The following BCL11A variants were observed in gnomAD, a reference collection of about 807,000 sequenced individuals.
The protein encoded by BCL11A is B cell CLL/lymphoma 11A.
BCL11A carries 2 observed loss-of-function variants against 55.9 expected under a neutral mutation model. The ratio of observed to expected loss-of-function variants is 0.04; its 90% confidence interval spans 0.01 to 0.11. The LOEUF is 0.11. Among genes scored for constraint, BCL11A ranks in the 10% least tolerant of loss-of-function variants. The pLI is 1.00. For synonymous variants in BCL11A, 465 were observed against 473.4 expected, an observed-to-expected ratio of 0.98 and a Z score of 0.23; for missense variants, 817 against 1,137.1, an observed-to-expected ratio of 0.72 and a Z score of 4.05.
At chr2:60,491,288 A>C (rs972318625) in intron 2 of BCL11A, among the ~76,000 whole-genome samples, 1 of 152,210 alleles carries the variant, frequency 6.6e-6, no homozygotes, top group Non-Finnish European at 1.5e-5. Context: ...ACTAAAAAGG[A>C]CCTCATTTTG....
chr2:60,538,838 T>G (rs1162600715), intron 2 of BCL11A, among the ~76,000 whole-genome samples: 1 of 151,914 alleles, frequency 6.6e-6, no homozygotes, highest in Non-Finnish European at 1.5e-5. Flanking sequence ...CTGTACTCCC[T>G]TTGTTCAAAT....
chr2:60,514,667 CAA>C (rs567427710), intron 2 of BCL11A, among the ~76,000 whole-genome samples: 10 of 113,300 alleles, frequency 8.8e-5, no homozygotes, highest in Non-Finnish European at 1.1e-4. Flanking sequence ...GACTCCATCT[CAA>C]AAAAAAAAAA....
intron 2 of BCL11A, among the ~76,000 whole-genome samples, chr2:60,479,062 T>C (rs932878365): frequency 2.6e-5 from 4 of 152,028 alleles, no homozygotes; most frequent in East Asian, 1.9e-4. Flanking sequence ...CCTGAGCAAA[T>C]TGGAGATGCC....
At chr2:60,544,225 A>G (rs1670052792) in intron 2 of BCL11A, 1 of 152,270 alleles carries the variant, frequency 6.6e-6, no homozygotes. Context: ...ACGATGTTAC[A>G]TCACGCAAGT....
chr2:60,477,721 G>A (rs1372915566), intron 2 of BCL11A, among the ~76,000 whole-genome samples: 1 of 152,174 alleles, frequency 6.6e-6, no homozygotes, highest in East Asian at 1.9e-4. Flanking sequence ...CAAGGGAGTG[G>A]GGAGCCATGG....
chr2:60,492,632 C>CTG (rs954182540), intron 2 of BCL11A, among the ~76,000 whole-genome samples: 1 of 151,892 alleles, frequency 6.6e-6, no homozygotes, highest in African/African-American at 2.4e-5. Context: ...CTCTCTCTCT[C>CTG]TCTCTCTCTC....
chr2:60,514,200 T>C (rs904721536), intron 2 of BCL11A, among the ~76,000 whole-genome samples: 1 of 152,084 alleles, frequency 6.6e-6, no homozygotes, highest in Non-Finnish European at 1.5e-5. Flanking sequence ...CCTCCAGCCA[T>C]GTGGTGGAAA....
In BCL11A at chr2:60,459,771, T is replaced by C. The variant is rs1326574951; in HGVS notation, c.*633A>G. 23 of 1,041,608 alleles carry C rather than the reference T, an allele frequency of 2.2e-5. No homozygotes were observed. The highest frequency in any genetic ancestry group is 2.7e-5 in the Non-Finnish European group (23 of 864,226). 64.5% of individuals were successfully genotyped at this position (1,041,608 alleles called of 1,614,324 possible). On this transcript the variant is annotated 3_prime_UTR_variant, in exon 4 of 4. Coordinates refer to ENST00000642384, the MANE Select transcript of BCL11A (RefSeq NM_022893.4). The stretch of plus-strand genomic sequence containing the variant: ...GCCTTTTTTCTTCCTTTCCAATTGA[T>C]ACATTTAACCCTTTAGAGACAGACA...
At chr2:60,545,512 G>C (rs956628552) in intron 2 of BCL11A, 3 of 161,714 alleles carry the variant, frequency 1.9e-5, no homozygotes, top group Non-Finnish European at 4.1e-5. Flanking sequence ...GAAGCCTTGA[G>C]AACGAGCTGA....
chr2:60,504,091 G>A (rs527247925), intron 2 of BCL11A, among the ~76,000 whole-genome samples: 5 of 152,220 alleles, frequency 3.3e-5, no homozygotes, highest in East Asian at 1.9e-4. Context: ...CCACTCAGCC[G>A]ACACTGCCCC....
At position 60,458,133 on chromosome 2, in the gene BCL11A, C is replaced by T. The variant is rs1029973979; in HGVS notation, c.*2271G>A. ...TCAATATAAATACTATAGTGCCTAA[C>T]ACTAGATGAACATTTAATTCAAATA... is the stretch of plus-strand genomic sequence containing the variant. On this transcript the variant is annotated 3_prime_UTR_variant, in exon 4 of 4. Coordinates refer to ENST00000642384, the MANE Select transcript of BCL11A (RefSeq NM_022893.4). 2.9e-6 allele frequency: 3 copies of T among 1,028,258 alleles called. No homozygotes were observed. The African/African-American group carries it at 5.1e-5, about 17-fold the overall frequency. 63.7% of individuals were successfully genotyped at this position (1,028,258 alleles called of 1,614,324 possible).
intron 2 of BCL11A, chr2:60,534,711 A>T (rs1239059122): frequency 6.6e-6 from 1 of 152,264 alleles, no homozygotes; most frequent in East Asian, 1.9e-4. Flanking sequence ...TCACTAAAGG[A>T]AACTTGGCAA....
chr2:60,551,330 A>T (rs572003222), intron 1 of BCL11A, among the ~76,000 whole-genome samples: 1 of 152,226 alleles, frequency 6.6e-6, no homozygotes. Context: ...GGCCTGGGGA[A>T]GAGGGCAAGA....
chr2:60,499,004 T>C (rs993104193), intron 2 of BCL11A, among the ~76,000 whole-genome samples: 4 of 152,280 alleles, frequency 2.6e-5, no homozygotes, highest in African/African-American at 9.6e-5. Flanking sequence ...TTCTTCTTCA[T>C]TTTCCATTCC....
chr2:60,462,778 T>A (rs1048450862), intron 3 of BCL11A, among the ~76,000 whole-genome samples: 4 of 152,210 alleles, frequency 2.6e-5, no homozygotes, highest in African/African-American at 7.2e-5. Flanking sequence ...GGGCAAGCCA[T>A]CTCATCTCCA....
chr2:60,460,237 C>G lies in BCL11A; in HGVS notation c.*167G>C. ...AAAAAACAGGTGTGCTGGTGACAAGCACTCTCATATTCTTAGCTTCGTTAC... is the reference window on the plus strand; with the variant it reads ...AAAAAACAGGTGTGCTGGTGACAAGGACTCTCATATTCTTAGCTTCGTTAC... On this transcript the variant is annotated 3_prime_UTR_variant, in exon 4 of 4. Coordinates refer to ENST00000642384, the MANE Select transcript of BCL11A (RefSeq NM_022893.4). 7.5e-7 allele frequency: 1 copy of G among 1,328,112 alleles called. No individual in the cohort carries two copies. 82.3% of individuals were successfully genotyped at this position (1,328,112 alleles called of 1,614,324 possible). A position where few individuals can be genotyped will look rare whatever the true frequency, so the allele number is the denominator to read the frequency against.
downstream of BCL11A, chr2:60,452,780 C>A: frequency 1.3e-6 from 1 of 756,448 alleles, no homozygotes; most frequent in South Asian, 1.7e-5. Context: ...AAACCAACCA[C>A]AGGTCGAGCC....
Position 60,459,774 on chromosome 2 carries a change from A to G in BCL11A, c.*630T>C, listed in dbSNP as rs1676131365. 9.6e-7 allele frequency: 1 copy of G among 1,042,200 alleles called. No homozygotes were observed. Among genetic ancestry groups the G allele is most frequent in the Non-Finnish European group, 1.2e-6 (1 of 864,544 alleles). 64.6% of individuals were successfully genotyped at this position (1,042,200 alleles called of 1,614,324 possible). A position where few individuals can be genotyped will look rare whatever the true frequency, so the allele number is the denominator to read the frequency against. ...TTTTTTCTTCCTTTCCAATTGATAC[A>G]TTTAACCCTTTAGAGACAGACATTT... On this transcript the variant is annotated 3_prime_UTR_variant, in exon 4 of 4. Transcript: ENST00000642384.
intron 3 of BCL11A, among the ~76,000 whole-genome samples, chr2:60,467,369 GTGA>G (rs1204127114): frequency 3.6e-5 from 2 of 55,832 alleles, no homozygotes; most frequent in African/African-American, 1.5e-4. Flanking sequence ...GGTGATGGTG[GTGA>G]TGATGGTGAT....
Sources: allele counts gnomAD v4.1 joint callset (sites outside exome capture counted in the v4.1 genomes callset), GRCh38; gene constraint gnomAD v4.1.1; transcripts MANE v1.5; gene names NCBI Gene and HGNC (gene_info 2026-07-23, HGNC 2026-07-21).